The following HFM1 variants were observed in gnomAD, a reference collection of about 807,000 sequenced individuals.
HFM1 encodes helicase for meiosis 1.
HFM1 carries 169 observed loss-of-function variants against 192.1 expected under a neutral mutation model. The observed-to-expected ratio is 0.88, with a 90% CI of 0.78 to 1.00. The LOEUF (loss-of-function observed/expected upper bound fraction) is 1.00, where lower values mean the gene tolerates loss of function less well. Ranked by LOEUF, HFM1 falls within the 50% of genes least tolerant of loss-of-function variation. The pLI is 0.00. For synonymous variants in HFM1, 525 were observed against 537.8 expected, an observed-to-expected ratio of 0.98 and a Z score of 0.33; for missense variants, 1,661 against 1,668.0, an observed-to-expected ratio of 1.00 and a Z score of 0.07.
chr1:91,337,947 C>T (rs1654816847), intron 20 of HFM1, among the ~76,000 whole-genome samples: 1 of 152,168 alleles, frequency 6.6e-6, no homozygotes, highest in African/African-American at 2.4e-5. Context: ...AAGACCAGCA[C>T]ACTCGAAGCA....
chr1:91,344,217 C>T (rs1297053042), intron 19 of HFM1, among the ~76,000 whole-genome samples: 2 of 152,114 alleles, frequency 1.3e-5, no homozygotes, highest in East Asian at 3.9e-4. Context: ...CCTTCTCTGC[C>T]TCATGCTATA....
chr1:91,333,097 TG>T (rs1218365076), intron 20 of HFM1, among the ~76,000 whole-genome samples: 2 of 152,218 alleles, frequency 1.3e-5, no homozygotes, highest in African/African-American at 4.8e-5. Context: ...ATCCCACTGC[TG>T]GGTATATACC....
intron 30 of HFM1, among the ~76,000 whole-genome samples, chr1:91,297,548 G>A (rs529072414): frequency 6.6e-6 from 1 of 152,296 alleles, no homozygotes; most frequent in Non-Finnish European, 1.5e-5. Context: ...CCCCAGTAGG[G>A]GCAGACTGAC....
At chr1:91,396,838 C>G (rs545374501) in intron 2 of HFM1, among the ~76,000 whole-genome samples, 39 of 152,322 alleles carry the variant, frequency 2.6e-4, no homozygotes, top group Middle Eastern at 3.4e-3. Context: ...GGATCCCCAA[C>G]CCCTGGGCCG....
chr1:91,333,865 T>C (rs907812803), intron 20 of HFM1, among the ~76,000 whole-genome samples: 2 of 152,174 alleles, frequency 1.3e-5, no homozygotes, highest in African/African-American at 2.4e-5. Context: ...CTAGAATTTA[T>C]AGGTTGGCTA....
At chr1:91,382,274 G>A (rs1005001978) in intron 6 of HFM1, among the ~76,000 whole-genome samples, 14 of 151,914 alleles carry the variant, frequency 9.2e-5, no homozygotes, top group Non-Finnish European at 8.8e-5. Context: ...AATTTAACCC[G>A]CTTACCCTGC....
chr1:91,405,345 G>T (rs571273032), upstream of HFM1, among the ~76,000 whole-genome samples: 89 of 152,290 alleles, frequency 5.8e-4, no homozygotes, highest in Middle Eastern at 3.4e-3. Context: ...TGTGTTCTTA[G>T]GCTGTAAACA....
intron 13 of HFM1, among the ~76,000 whole-genome samples, chr1:91,356,975 C>G (rs761603886): frequency 2.6e-5 from 4 of 152,070 alleles, no homozygotes; most frequent in Non-Finnish European, 5.9e-5. Context: ...AATCTTCCAA[C>G]AAGGAAAAGC....
chr1:91,330,623 G>C (rs1231793271), intron 20 of HFM1, among the ~76,000 whole-genome samples: 1 of 152,136 alleles, frequency 6.6e-6, no homozygotes, highest in Non-Finnish European at 1.5e-5. Context: ...AAAAAATAGA[G>C]GAGGAGGGAA....
At chr1:91,371,801 G>A (rs282043) in intron 13 of HFM1, among the ~76,000 whole-genome samples, 151,928 of 152,108 alleles carry the variant, frequency 1, 75,874 homozygotes, top group Non-Finnish European at 1. Context: ...TGAATAGGCA[G>A]CCTACAGAAT....
chr1:91,345,131 T>C (rs1221597633), intron 19 of HFM1, among the ~76,000 whole-genome samples: 1 of 152,278 alleles, frequency 6.6e-6, no homozygotes, highest in East Asian at 1.9e-4. Flanking sequence ...ACACATTACC[T>C]TTTCTAAAAA....
At chr1:91,354,271 T>C (rs1295398107) in intron 13 of HFM1, among the ~76,000 whole-genome samples, 2 of 150,870 alleles carry the variant, frequency 1.3e-5, no homozygotes, top group African/African-American at 2.4e-5. Flanking sequence ...GTTTCTGAAA[T>C]AGCCTAGTCA....
intron 6 of HFM1, among the ~76,000 whole-genome samples, chr1:91,383,786 G>A (rs988706103): frequency 6.6e-6 from 1 of 152,026 alleles, no homozygotes; most frequent in African/African-American, 2.4e-5. Context: ...AATATTGCAT[G>A]GTTTCTCCTC....
chr1:91,318,848 A>C (rs1651642991), intron 25 of HFM1, among the ~76,000 whole-genome samples: 1 of 152,174 alleles, frequency 6.6e-6, no homozygotes. Context: ...TGACAGCATT[A>C]ATTTTTATTA....
rs1231728584 is a variant in HFM1 at position 91,317,408 on chromosome 1, C to T, written c.2813-932G>A. ...TAGCCTGGGCAACAAAGCAAAACTCCATCTCAAAAACAAACAAACAAACAA... is the reference window on the plus strand; with the variant it reads ...TAGCCTGGGCAACAAAGCAAAACTCTATCTCAAAAACAAACAAACAAACAA... On this transcript the variant is annotated intron_variant, in intron 25 of 38. Transcript: ENST00000370425. 2.6e-5 allele frequency among the ~76,000 whole-genome samples: 4 copies of T among 152,048 alleles called. No homozygotes were observed. In the South Asian group the frequency reaches 8.3e-4, roughly 32 times the overall value.
At position 91,273,756 on chromosome 1, in the gene HFM1, A is replaced by C; in HGVS notation, c.3728T>G (p.Ile1243Ser). 6.2e-7 allele frequency: 1 copy of C among 1,603,484 alleles called. No individual in the cohort carries two copies. Residue 1243 changes from isoleucine (I) to serine (S), a missense_variant, in exon 34 of 39, where the codon ATC (isoleucine) becomes AGC (serine). Coordinates refer to ENST00000370425, the MANE Select transcript of HFM1 (RefSeq NM_001017975.6). Reference sequence around the variant, plus strand: ...TGGTTCTTGTCTAACTTTTCCATAGATTTCAGGCTGATCCCACTGCTCCAT... The same window carrying C: ...TGGTTCTTGTCTAACTTTTCCATAGCTTTCAGGCTGATCCCACTGCTCCAT... ...PIMEQWDQPE[I>S]YGKVRQEPSE...
Position 91,396,315 on chromosome 1 carries a change from T to C in HFM1, c.162A>G (p.Glu54=), listed in dbSNP as rs955247484. ...EIPDTQELEE[E]LESHKLLGQE... The stretch of plus-strand genomic sequence containing the variant: ...TACCTAACAGTTTATGACTTTCTAA[T>C]TCTTCCTCTAACTCCTGAGTATCTG... The change falls in exon 3 of 39, where the codon GAA becomes GAG. Residue 54 remains glutamate, a synonymous_variant. Coordinates refer to ENST00000370425, the MANE Select transcript of HFM1 (RefSeq NM_001017975.6). The C allele has an allele frequency of 3.2e-6, 5 of 1,572,068 alleles. No homozygotes were observed. Among genetic ancestry groups the C allele is most frequent in the Non-Finnish European group, 4.4e-6 (5 of 1,145,764 alleles).
At chr1:91,336,406 C>A (rs962499915) in intron 20 of HFM1, among the ~76,000 whole-genome samples, 11 of 151,718 alleles carry the variant, frequency 7.3e-5, no homozygotes, top group Non-Finnish European at 1.6e-4. Context: ...TCCCTCCTTA[C>A]CTCCATCCCT....
chr1:91,287,137 C>G (rs998356918), intron 30 of HFM1, among the ~76,000 whole-genome samples: 1 of 152,246 alleles, frequency 6.6e-6, no homozygotes, highest in Non-Finnish European at 1.5e-5. Flanking sequence ...AGCCGGGAAG[C>G]TCGAACTGGG....
Sources: allele counts gnomAD v4.1 joint callset (sites outside exome capture counted in the v4.1 genomes callset), GRCh38; gene constraint gnomAD v4.1.1; transcripts MANE v1.5; gene names NCBI Gene and HGNC (gene_info 2026-07-23, HGNC 2026-07-21).